Variants in ZNF654 observed in about 807,000 individuals in gnomAD.
ZNF654 encodes zinc finger protein 654, also known as melanoma-associated antigen.
A neutral mutation model predicts 95.3 loss-of-function variants in ZNF654; 19 were observed. The observed-to-expected ratio is 0.20, with a 90% CI of 0.14 to 0.29. The LOEUF is 0.29. Among genes scored for constraint, ZNF654 ranks in the 10% least tolerant of loss-of-function variants. ZNF654 has a pLI of 1.00. For synonymous variants in ZNF654, 413 were observed against 457.9 expected (o/e 0.90, Z 1.25); for missense variants, 1,046 against 1,341.0 (o/e 0.78, Z 3.44).
Position 88,139,250 on chromosome 3 carries a change from G to C in ZNF654, c.1581G>C (p.Lys527Asn). 6.6e-7 allele frequency: 1 copy of C among 1,526,360 alleles called. No individual in the cohort carries two copies. The highest frequency in any genetic ancestry group is 1.4e-5 in the South Asian group (1 of 73,842). 94.6% of individuals were successfully genotyped at this position (1,526,360 alleles called of 1,614,324 possible). A position where few individuals can be genotyped will look rare whatever the true frequency, so the allele number is the denominator to read the frequency against. Residue 527 changes from lysine (K) to asparagine (N), a missense_variant, in exon 8 of 9, where the codon AAG becomes AAC. By Grantham distance (94) the Lys-to-Asn change is moderately conservative. Coordinates refer to ENST00000636215, the MANE Select transcript of ZNF654 (RefSeq NM_001350134.2). The part of the protein sequence containing the change: ...GVQPKGHINT[K>N]KNLTALSTSK... ...AGCCTAAAGGTCATATTAATACGAA[G>C]AAAAATCTTACAGCTCTCAGTACTT...
At chr3:88,090,904 G>A (rs1486171996) in intron 2 of ZNF654, among the ~76,000 whole-genome samples, 3 of 152,186 alleles carry the variant, frequency 2.0e-5, no homozygotes, top group Non-Finnish European at 4.4e-5. Context: ...TTTTAAGAAA[G>A]TTTACGAATT....
At position 88,059,405 on chromosome 3, in the gene ZNF654, G is replaced by T; in HGVS notation, c.86G>T (p.Gly29Val). 1.3e-6 allele frequency: 2 copies of T among 1,532,592 alleles called. No homozygotes were observed. The highest frequency in any genetic ancestry group is 1.7e-6 in the Non-Finnish European group (2 of 1,145,660). 94.9% of individuals were successfully genotyped at this position (1,532,592 alleles called of 1,614,324 possible). Residue 29 changes from glycine (G) to valine (V), a missense_variant, in exon 1 of 9, where the codon GGG (glycine) becomes GTG (valine). By Grantham distance (109) the Gly-to-Val change is moderately radical. Coordinates refer to ENST00000636215, the MANE Select transcript of ZNF654 (RefSeq NM_001350134.2). ...AIVESPLGPVGLRAAGDGRGG... is the reference protein window; with the variant it reads ...AIVESPLGPVVLRAAGDGRGG... ...GTGGAGTCCCCGCTGGGCCCTGTGG[G>T]GCTTAGAGCTGCGGGCGACGGCAGA...
chr3:88,124,016 A>G (rs1319202261), intron 3 of ZNF654, among the ~76,000 whole-genome samples: 1 of 152,198 alleles, frequency 6.6e-6, no homozygotes, highest in Non-Finnish European at 1.5e-5. Context: ...CAATACCTTT[A>G]TATTTACCCC....
Position 88,142,896 on chromosome 3 carries a change from A to G in ZNF654, c.*1244A>G, listed in dbSNP as rs1435358106. The G allele has an allele frequency of 2.0e-5, 3 of 152,320 alleles. No homozygotes were observed. Among genetic ancestry groups the G allele is most frequent in the African/African-American group, 7.2e-5 (3 of 41,436 alleles). The allele number at this position is 152,320 out of a possible 1,614,324, so 9.4% of individuals were successfully genotyped here. ...TTTAACTTAATAAAGTGTTAAAACAATAAATATTTTTAAAAATACCCTCTC... is the reference window on the plus strand; with the variant it reads ...TTTAACTTAATAAAGTGTTAAAACAGTAAATATTTTTAAAAATACCCTCTC... On this transcript the variant is annotated 3_prime_UTR_variant, in exon 9 of 9. Coordinates refer to ENST00000636215, the MANE Select transcript of ZNF654 (RefSeq NM_001350134.2).
chr3:88,067,296 A>G (rs1411239173), intron 1 of ZNF654, among the ~76,000 whole-genome samples: 1 of 152,208 alleles, frequency 6.6e-6, no homozygotes, highest in Non-Finnish European at 1.5e-5. Flanking sequence ...CTCTACTGAG[A>G]TCCTTTCGTT....
chr3:88,137,509 A>G (rs1706870016), intron 7 of ZNF654, among the ~76,000 whole-genome samples: 1 of 152,312 alleles, frequency 6.6e-6, no homozygotes, highest in East Asian at 1.9e-4. Flanking sequence ...AGACACTGTC[A>G]CCTGTAATTT....
intron 1 of ZNF654, among the ~76,000 whole-genome samples, chr3:88,085,858 T>G (rs367572687): frequency 2.6e-5 from 4 of 152,182 alleles, no homozygotes; most frequent in Middle Eastern, 3.2e-3. Context: ...ATGCTTAGAG[T>G]CTTATAAATA....
intron 2 of ZNF654, among the ~76,000 whole-genome samples, chr3:88,108,228 T>C (rs1704865517): frequency 6.6e-6 from 1 of 152,122 alleles, no homozygotes; most frequent in Non-Finnish European, 1.5e-5. Flanking sequence ...TATTTCTACT[T>C]AGCTCCAAGT....
Position 88,059,610 on chromosome 3 carries a change from C to T in ZNF654, c.186+105C>T, listed in dbSNP as rs1269252825. On this transcript the variant is annotated intron_variant, in intron 1 of 8. Coordinates refer to ENST00000636215, the MANE Select transcript of ZNF654 (RefSeq NM_001350134.2). Reference sequence around the variant, plus strand: ...TCTGGTCTATGTCCAGTGCCCGCTCCTCCCCAACAAGGAGGGTGAGGCTGA... The same window carrying T: ...TCTGGTCTATGTCCAGTGCCCGCTCTTCCCCAACAAGGAGGGTGAGGCTGA... 5.0e-6 allele frequency: 7 copies of T among 1,398,894 alleles called. No homozygotes were observed. The South Asian group carries it at 7.7e-5, about 15-fold the overall frequency. The allele number at this position is 1,398,894 out of a possible 1,614,324, so 86.7% of individuals were successfully genotyped here. A position where few individuals can be genotyped will look rare whatever the true frequency, so the allele number is the denominator to read the frequency against.
At chr3:88,069,532 A>C (rs1220337343) in intron 1 of ZNF654, among the ~76,000 whole-genome samples, 2 of 152,226 alleles carry the variant, frequency 1.3e-5, no homozygotes, top group African/African-American at 4.8e-5. Flanking sequence ...TCTTCATAGC[A>C]CTTATCGAAG....
chr3:88,066,828 A>G (rs1484000861), intron 1 of ZNF654, among the ~76,000 whole-genome samples: 1 of 152,244 alleles, frequency 6.6e-6, no homozygotes, highest in Non-Finnish European at 1.5e-5. Flanking sequence ...CGAAACCTGT[A>G]GTAAAATATG....
chr3:88,137,630 A>G (rs1559734908), intron 7 of ZNF654, among the ~76,000 whole-genome samples: 1 of 152,184 alleles, frequency 6.6e-6, no homozygotes, highest in Non-Finnish European at 1.5e-5. Context: ...GGGGAATTTT[A>G]ACTGTACCTC....
chr3:88,112,690 T>G (rs1705164348), intron 2 of ZNF654, among the ~76,000 whole-genome samples: 1 of 151,994 alleles, frequency 6.6e-6, no homozygotes, highest in Non-Finnish European at 1.5e-5. Flanking sequence ...TTTGTGTTAA[T>G]TTTATTCAAC....
intron 1 of ZNF654, among the ~76,000 whole-genome samples, chr3:88,066,676 A>T (rs1385558253): frequency 6.6e-6 from 1 of 152,188 alleles, no homozygotes; most frequent in African/African-American, 2.4e-5. Flanking sequence ...TTTTAGTTAT[A>T]TCATCTTTTC....
At chr3:88,116,068 T>C (rs1705370973) in intron 3 of ZNF654, among the ~76,000 whole-genome samples, 1 of 152,018 alleles carries the variant, frequency 6.6e-6, no homozygotes, top group African/African-American at 2.4e-5. Flanking sequence ...TCCCCCTCTA[T>C]CCCCTGCTTG....
Position 88,139,831 on chromosome 3 carries a change from CT to C in ZNF654, c.2164del (p.Ser722GlnfsTer2). On this transcript the variant is annotated frameshift_variant, in exon 8 of 9. Coordinates refer to ENST00000636215, the MANE Select transcript of ZNF654 (RefSeq NM_001350134.2). LOFTEE classifies it high-confidence loss of function. ...EEDDYDLNQE[T>X]SVIHKINGTV... is the part of the protein sequence containing the mutation. ...GATGATTATGACCTGAATCAAGAAA[CT>C]TCAGTAATTCATAAAATCAATGGAA... The C allele has an allele frequency of 6.4e-7, 1 of 1,573,060 alleles. No individual in the cohort carries two copies. The highest frequency in any genetic ancestry group is 8.6e-7 in the Non-Finnish European group (1 of 1,158,518).
At chr3:88,126,403 A>G in intron 4 of ZNF654, 134 bp downstream of exon 4, 2 of 1,042,730 alleles carry the variant, frequency 1.9e-6, no homozygotes, top group Non-Finnish European at 2.5e-6. Flanking sequence ...TTTTCACATG[A>G]AAAGTGTTTG....
intron 2 of ZNF654, among the ~76,000 whole-genome samples, chr3:88,098,129 TA>T (rs1235156233): frequency 1.3e-5 from 2 of 151,716 alleles, no homozygotes; most frequent in Non-Finnish European, 2.9e-5. Flanking sequence ...ATAGATGCAA[TA>T]AAAAATGATA....
intron 7 of ZNF654, among the ~76,000 whole-genome samples, chr3:88,136,554 TA>T (rs1229953896): frequency 1.3e-5 from 2 of 152,200 alleles, no homozygotes; most frequent in African/African-American, 4.8e-5. Flanking sequence ...AGGGTAGTAC[TA>T]ACATTTGTAG....
Sources: gnomAD v4.1 joint callset for allele counts (sites outside exome capture counted in the v4.1 genomes callset) on GRCh38, gnomAD v4.1.1 for gene constraint, MANE v1.5 for transcripts, NCBI Gene and HGNC (gene_info 2026-07-23, HGNC 2026-07-21) for gene names.